The following RPSA2 variants were observed in gnomAD, a reference collection of about 807,000 sequenced individuals.
The protein encoded by RPSA2 is ribosomal protein SA 2, also known as small ribosomal subunit protein uS2B.
chr19:23,850,637 C>T, the RPSA2 span, among the ~76,000 whole-genome samples: 2 of 151,600 alleles, frequency 1.3e-5, no homozygotes, highest in African/African-American at 2.4e-5. Context: ...TGATGATCTC[C>T]TGGTGAAACA....
the RPSA2 span, among the ~76,000 whole-genome samples, chr19:23,868,532 C>T: frequency 6.6e-6 from 1 of 152,110 alleles, no homozygotes; most frequent in Non-Finnish European, 1.5e-5. Flanking sequence ...GGTGATTGGA[C>T]ACCAGCCACC....
the RPSA2 span, among the ~76,000 whole-genome samples, chr19:23,793,835 G>C: frequency 6.6e-6 from 1 of 152,014 alleles, no homozygotes; most frequent in Non-Finnish European, 1.5e-5. Flanking sequence ...AAGTGCTGGG[G>C]TTACAGGTGT....
chr19:23,860,259 C>G, the RPSA2 span, among the ~76,000 whole-genome samples: 2 of 152,154 alleles, frequency 1.3e-5, no homozygotes, highest in Admixed American at 6.5e-5. Flanking sequence ...CTCCACACGA[C>G]CCTCCCAAAC....
chr19:23,768,951 C>T, the RPSA2 span, among the ~76,000 whole-genome samples: 17 of 152,100 alleles, frequency 1.1e-4, no homozygotes, highest in Non-Finnish European at 2.2e-4. Context: ...GAGATTGTGA[C>T]ATATATTTGG....
At chr19:23,855,701 C>T in the RPSA2 span, among the ~76,000 whole-genome samples, 1 of 152,204 alleles carries the variant, frequency 6.6e-6, no homozygotes, top group African/African-American at 2.4e-5. Context: ...GAGGCAGAAG[C>T]ATACTGGTGA....
At chr19:23,781,766 A>G in the RPSA2 span, among the ~76,000 whole-genome samples, 3 of 152,184 alleles carry the variant, frequency 2.0e-5, no homozygotes, top group African/African-American at 7.2e-5. Context: ...GACTCAGGAC[A>G]TGTGTGTAAT....
At chr19:23,803,363 G>A in the RPSA2 span, among the ~76,000 whole-genome samples, 1 of 151,762 alleles carries the variant, frequency 6.6e-6, no homozygotes, top group Non-Finnish European at 1.5e-5. Flanking sequence ...GCAGATAAAT[G>A]GAAAATATAA....
chr19:23,806,290 G>T, the RPSA2 span, among the ~76,000 whole-genome samples: 1 of 151,700 alleles, frequency 6.6e-6, no homozygotes, highest in South Asian at 2.1e-4. Flanking sequence ...TGATCCACCC[G>T]CCTCAGCCTC....
the RPSA2 span, among the ~76,000 whole-genome samples, chr19:23,845,505 C>G: frequency 1.3e-5 from 2 of 151,824 alleles, no homozygotes; most frequent in African/African-American, 4.8e-5. Flanking sequence ...TCTTAATTTT[C>G]TTTTTGAGAT....
At chr19:23,852,050 G>A in the RPSA2 span, among the ~76,000 whole-genome samples, 1 of 152,178 alleles carries the variant, frequency 6.6e-6, no homozygotes, top group Non-Finnish European at 1.5e-5. Flanking sequence ...AAATCATTAT[G>A]TTGAACTATT....
the RPSA2 span, among the ~76,000 whole-genome samples, chr19:23,803,133 A>T: frequency 2.6e-5 from 4 of 151,688 alleles, no homozygotes; most frequent in East Asian, 7.7e-4. Flanking sequence ...AATGAAACAG[A>T]ACTGAAAATA....
At chr19:23,858,466 T>C in the RPSA2 span, among the ~76,000 whole-genome samples, 1 of 152,236 alleles carries the variant, frequency 6.6e-6, no homozygotes, top group Non-Finnish European at 1.5e-5. Flanking sequence ...AAATATGTTA[T>C]AAATGTTTCC....
chr19:23,845,730 G>T, the RPSA2 span, among the ~76,000 whole-genome samples: 1 of 152,108 alleles, frequency 6.6e-6, no homozygotes, highest in African/African-American at 2.4e-5. Context: ...GACCTCAGGC[G>T]ATCCACCTGC....
At chr19:23,868,187 C>T in the RPSA2 span, among the ~76,000 whole-genome samples, 23 of 152,190 alleles carry the variant, frequency 1.5e-4, no homozygotes, top group Non-Finnish European at 3.1e-4. Flanking sequence ...AAACTGGCCT[C>T]TTGTAGTAAT....
the RPSA2 span, among the ~76,000 whole-genome samples, chr19:23,825,889 C>G: frequency 6.6e-6 from 1 of 151,978 alleles, no homozygotes; most frequent in South Asian, 2.1e-4. Flanking sequence ...ATGCTCAGCC[C>G]ATAAAATTTT....
chr19:23,845,963 G>C, the RPSA2 span, among the ~76,000 whole-genome samples: 2 of 152,078 alleles, frequency 1.3e-5, no homozygotes, highest in African/African-American at 4.8e-5. Context: ...TTGTTGATTT[G>C]CCAGCTTTCC....
At chr19:23,829,639 G>T in the RPSA2 span, among the ~76,000 whole-genome samples, 1 of 152,274 alleles carries the variant, frequency 6.6e-6, no homozygotes, top group Admixed American at 6.5e-5. Flanking sequence ...GTGGTACCTT[G>T]GGGACTACAT....
the RPSA2 span, chr19:23,843,209 TC>T: frequency 3.9e-6 from 1 of 254,970 alleles, no homozygotes; most frequent in Non-Finnish European, 8.1e-6. Context: ...TGATCTGATC[TC>T]CTGCCTTGAG....
At chr19:23,768,728 C>T in the RPSA2 span, among the ~76,000 whole-genome samples, 6 of 148,284 alleles carry the variant, frequency 4.0e-5, no homozygotes, top group Non-Finnish European at 7.4e-5. Context: ...GCTGGGATTA[C>T]AGGTACACAC....
Sources: gnomAD v4.1 joint callset for allele counts (sites outside exome capture counted in the v4.1 genomes callset) on GRCh38, gnomAD v4.1.1 for gene constraint, MANE v1.5 for transcripts, NCBI Gene and HGNC (gene_info 2026-07-23, HGNC 2026-07-21) for gene names.